ZNF652: variants seen among roughly 807,000 people sequenced by gnomAD.
ZNF652 encodes the protein zinc finger protein 652.
A neutral mutation model predicts 45.2 loss-of-function variants in ZNF652; 16 were observed. The observed-to-expected ratio is 0.35, with a 90% CI of 0.24 to 0.54. The LOEUF (loss-of-function observed/expected upper bound fraction) is 0.54. Among genes scored for constraint, ZNF652 ranks in the 20% least tolerant of loss-of-function variants. The probability of loss-of-function intolerance (pLI) is 0.91; values close to 1 mark genes in which losing one functional copy is unlikely to be tolerated. For missense variants in ZNF652, 614 were observed against 765.6 expected, an observed-to-expected ratio of 0.80 and a Z score of 2.34; for synonymous variants, 250 against 260.6, an observed-to-expected ratio of 0.96 and a Z score of 0.39.
chr17:49,297,297 T>C lies in ZNF652; in HGVS notation c.*1116A>G, dbSNP rs1318097474. 2.6e-5 allele frequency: 4 copies of C among 152,564 alleles called. No homozygotes were observed. Among genetic ancestry groups the C allele is most frequent in the East Asian group, 3.8e-4 (2 of 5,204 alleles). The allele number at this position is 152,564 out of a possible 1,614,324, so 9.5% of individuals were successfully genotyped here. ...TTTGTCATCCCATAAAAGTTAAACA[T>C]CAACACAATTCCTAAGGGAAGTGAG... On this transcript the variant is annotated 3_prime_UTR_variant, in exon 6 of 6. Transcript: ENST00000430262.
intron 1 of ZNF652, among the ~76,000 whole-genome samples, chr17:49,357,926 A>AT (rs1052669494): frequency 2.6e-5 from 4 of 152,296 alleles, no homozygotes; most frequent in African/African-American, 9.6e-5. Context: ...AATATTTGCA[A>AT]TTTTTTCATC....
chr17:49,322,274 A>G (rs2069903024), intron 1 of ZNF652: 1 of 152,232 alleles, frequency 6.6e-6, no homozygotes, highest in Non-Finnish European at 1.5e-5. Flanking sequence ...GATTTTCCCA[A>G]GTTTAATGTC....
Position 49,317,906 on chromosome 17 carries a change from G to C in ZNF652, c.-181C>G. On this transcript the variant is annotated 5_prime_UTR_variant, in exon 2 of 6. Coordinates refer to ENST00000430262, the MANE Select transcript of ZNF652 (RefSeq NM_001145365.3). Reference sequence around the variant, plus strand: ...CAGCACCAAAGCATGAGTCAAAAAGGTTTGGTATTATGGCAAGAGCAGAGC... The same window carrying C: ...CAGCACCAAAGCATGAGTCAAAAAGCTTTGGTATTATGGCAAGAGCAGAGC... The C allele has an allele frequency of 1.5e-6, 1 of 675,256 alleles. No individual in the cohort carries two copies. 41.8% of individuals were successfully genotyped at this position (675,256 alleles called of 1,614,324 possible).
chr17:49,356,443 AAAAAAAAATCAAAACCAAAAAAAAAAC>A (rs2070337778), intron 1 of ZNF652, among the ~76,000 whole-genome samples: 1 of 135,434 alleles, frequency 7.4e-6, no homozygotes, highest in Non-Finnish European at 1.6e-5. Context: ...AAAAAAAAAA[AAAAAAAAATCAAAACCAAAAAAAAAAC>A]AAAAAAAACC....
At chr17:49,301,440 G>A (rs749952362) in intron 5 of ZNF652, among the ~76,000 whole-genome samples, 1 of 152,122 alleles carries the variant, frequency 6.6e-6, no homozygotes, top group Non-Finnish European at 1.5e-5. Context: ...TGGGATTACA[G>A]GCATGTGCCA....
chr17:49,343,865 G>A (rs757152987), intron 1 of ZNF652, among the ~76,000 whole-genome samples: 2 of 151,828 alleles, frequency 1.3e-5, no homozygotes, highest in Non-Finnish European at 2.9e-5. Flanking sequence ...GACCAGCCTC[G>A]GCAACATGGT....
chr17:49,357,463 T>C (rs563961489), intron 1 of ZNF652, among the ~76,000 whole-genome samples: 1 of 152,140 alleles, frequency 6.6e-6, no homozygotes, highest in South Asian at 2.1e-4. Flanking sequence ...AAAGTAAAAA[T>C]TCATAAAGCA....
At chr17:49,303,907 G>A (rs1435708041) in intron 5 of ZNF652, among the ~76,000 whole-genome samples, 2 of 150,978 alleles carry the variant, frequency 1.3e-5, no homozygotes, top group Admixed American at 6.6e-5. Flanking sequence ...GTTTTTTCCT[G>A]AGACACAGTC....
intron 1 of ZNF652, among the ~76,000 whole-genome samples, chr17:49,318,647 C>T (rs190482262): frequency 5.1e-4 from 77 of 152,264 alleles, no homozygotes; most frequent in African/African-American, 1.7e-3. Flanking sequence ...GCAAAATATA[C>T]GGTCTCTATC....
In ZNF652 at chr17:49,311,450, CA is replaced by C; in HGVS notation, c.1170del (p.Cys390TrpfsTer15). On this transcript the variant is annotated frameshift_variant, in exon 5 of 6. Transcript: ENST00000430262. LOFTEE classifies it high-confidence loss of function. Reference protein sequence around the residue: ...SGEKPFRCENCDERFQYKYQL... With the variant: ...SGEKPFRCENXDERFQYKYQL... ...TGGTACTTGTACTGAAACCTTTCGT[CA>C]CAGTTCTGCATTGGATACAGTGGAG... The C allele has an allele frequency of 6.2e-7, 1 of 1,613,974 alleles. No individual in the cohort carries two copies. Among genetic ancestry groups the C allele is most frequent in the Non-Finnish European group, 8.5e-7 (1 of 1,179,916 alleles).
At chr17:49,336,087 C>G (rs1466677555) in intron 1 of ZNF652, among the ~76,000 whole-genome samples, 1 of 151,712 alleles carries the variant, frequency 6.6e-6, no homozygotes, top group Non-Finnish European at 1.5e-5. Context: ...TGCAGTGGTG[C>G]AGTCTTGGCT....
At chr17:49,310,777 C>T (rs370531070) in intron 5 of ZNF652, among the ~76,000 whole-genome samples, 4 of 151,618 alleles carry the variant, frequency 2.6e-5, no homozygotes, top group African/African-American at 9.8e-5. Flanking sequence ...TGGCGCACAC[C>T]TGTGGTCCCA....
At chr17:49,312,612 C>T in intron 3 of ZNF652, 86 bp downstream of exon 3, 5 of 1,445,696 alleles carry the variant, frequency 3.5e-6, no homozygotes, top group Non-Finnish European at 4.7e-6. Flanking sequence ...TAGGGCAATT[C>T]CTCATATCCT....
chr17:49,302,570 G>A (rs1193668078), intron 5 of ZNF652, among the ~76,000 whole-genome samples: 1 of 151,882 alleles, frequency 6.6e-6, no homozygotes, highest in Non-Finnish European at 1.5e-5. Context: ...TTACAGGCAT[G>A]AGCCACTGCG....
intron 1 of ZNF652, among the ~76,000 whole-genome samples, chr17:49,348,329 A>C (rs922574931): frequency 2.6e-5 from 4 of 151,622 alleles, no homozygotes; most frequent in African/African-American, 9.7e-5. Context: ...CTATCTCTAC[A>C]AAAAAAATTT....
intron 1 of ZNF652, among the ~76,000 whole-genome samples, chr17:49,339,071 T>C (rs2070114512): frequency 6.6e-6 from 1 of 152,062 alleles, no homozygotes; most frequent in Admixed American, 6.6e-5. Flanking sequence ...TCTGGAGCTA[T>C]CACTCACTAG....
At chr17:49,342,052 G>T (rs544841536) in intron 1 of ZNF652, among the ~76,000 whole-genome samples, 1 of 152,214 alleles carries the variant, frequency 6.6e-6, no homozygotes, top group African/African-American at 2.4e-5. Flanking sequence ...CGGGCATGGT[G>T]GCAGGCGCCT....
intron 1 of ZNF652, among the ~76,000 whole-genome samples, chr17:49,351,211 A>C (rs7225787): frequency 0.43 from 64,542 of 151,288 alleles, 14,115 homozygotes; most frequent in East Asian, 0.48. Context: ...CACAAATCCC[A>C]AACTGGCTAA....
chr17:49,335,609 CTTTA>C (rs1319272683), intron 1 of ZNF652, among the ~76,000 whole-genome samples: 12 of 152,056 alleles, frequency 7.9e-5, no homozygotes, highest in African/African-American at 1.7e-4. Context: ...TGAGGTCATA[CTTTA>C]TTTGTTACTA....
Sources: gnomAD v4.1 joint callset for allele counts (sites outside exome capture counted in the v4.1 genomes callset) on GRCh38, gnomAD v4.1.1 for gene constraint, MANE v1.5 for transcripts, NCBI Gene and HGNC (gene_info 2026-07-23, HGNC 2026-07-21) for gene names.